Variants in POU2F1 observed in about 807,000 individuals in gnomAD.
The protein encoded by POU2F1 is POU class 2 homeobox 1.
A neutral mutation model predicts 84.9 loss-of-function variants in POU2F1; 16 were observed. The ratio of observed to expected loss-of-function variants is 0.19; its 90% CI spans 0.13 to 0.29. POU2F1 has a LOEUF of 0.29. POU2F1 is among the 10% of genes least tolerant of loss of function. The pLI is 1.00. For synonymous variants in POU2F1, 368 were observed against 368.3 expected (o/e 1.00, Z 0.01); for missense variants, 738 against 942.6 (o/e 0.78, Z 2.84).
intron 8 of POU2F1, among the ~76,000 whole-genome samples, chr1:167,384,390 A>G (rs1162034831): frequency 6.6e-6 from 1 of 152,154 alleles, no homozygotes; most frequent in Non-Finnish European, 1.5e-5. Flanking sequence ...CTACTAGACC[A>G]TATAAACACT....
intron 1 of POU2F1, among the ~76,000 whole-genome samples, chr1:167,249,031 T>G (rs1023185331): frequency 6.6e-6 from 1 of 152,224 alleles, no homozygotes; most frequent in African/African-American, 2.4e-5. Flanking sequence ...AAACTCTGGA[T>G]TGCACCGGAG....
intron 1 of POU2F1, among the ~76,000 whole-genome samples, chr1:167,273,749 A>G (rs1652534773): frequency 6.6e-6 from 1 of 152,246 alleles, no homozygotes; most frequent in Non-Finnish European, 1.5e-5. Flanking sequence ...ATGAAAAGCT[A>G]GGATAACCAC....
At chr1:167,270,547 CAG>C (rs769073935) in intron 1 of POU2F1, among the ~76,000 whole-genome samples, 1 of 151,766 alleles carries the variant, frequency 6.6e-6, no homozygotes. Flanking sequence ...AGAGAAGAGA[CAG>C]AGAGAGAGAG....
chr1:167,269,303 G>A (rs190340947), intron 1 of POU2F1, among the ~76,000 whole-genome samples: 3 of 152,192 alleles, frequency 2.0e-5, no homozygotes, highest in Admixed American at 6.5e-5. Flanking sequence ...TGTCAGTTAC[G>A]TTTGCAAAGG....
chr1:167,421,037 T>C lies in POU2F1; in HGVS notation c.*5227T>C, dbSNP rs952562027. The C allele has an allele frequency of 6.6e-6, 1 of 152,204 alleles. No homozygotes were observed. Among genetic ancestry groups the C allele is most frequent in the South Asian group, 2.1e-4 (1 of 4,828 alleles). 9.4% of individuals were successfully genotyped at this position (152,204 alleles called of 1,614,324 possible). On this transcript the variant is annotated 3_prime_UTR_variant, in exon 16 of 16. Coordinates refer to ENST00000367866, the MANE Select transcript of POU2F1 (RefSeq NM_002697.4). ...TGGGTTAATTTGCTCATAACTGATATGAGTTTGCTTTTATGTGTGTGTGGA... is the reference window on the plus strand; with the variant it reads ...TGGGTTAATTTGCTCATAACTGATACGAGTTTGCTTTTATGTGTGTGTGGA...
chr1:167,402,240 A>G (rs1232963483), intron 13 of POU2F1, among the ~76,000 whole-genome samples: 1 of 152,166 alleles, frequency 6.6e-6, no homozygotes, highest in Non-Finnish European at 1.5e-5. Flanking sequence ...GACATGCTGT[A>G]ATTATTCACC....
chr1:167,339,045 G>A (rs1009658908), intron 2 of POU2F1, among the ~76,000 whole-genome samples: 2 of 152,072 alleles, frequency 1.3e-5, no homozygotes, highest in Non-Finnish European at 2.9e-5. Context: ...AGGTACTATG[G>A]AAAGTCCATT....
intron 1 of POU2F1, among the ~76,000 whole-genome samples, chr1:167,233,669 A>G (rs1388239693): frequency 6.6e-6 from 1 of 152,242 alleles, no homozygotes; most frequent in Non-Finnish European, 1.5e-5. Flanking sequence ...TGCACATACA[A>G]TTCTTGAAAC....
chr1:167,235,820 T>C (rs1185518694), intron 1 of POU2F1, among the ~76,000 whole-genome samples: 1 of 152,232 alleles, frequency 6.6e-6, no homozygotes, highest in Non-Finnish European at 1.5e-5. Flanking sequence ...AGTGAATTAA[T>C]GCAGGAACAG....
chr1:167,372,116 C>T, intron 5 of POU2F1, 80 bp downstream of exon 5: 1 of 1,521,430 alleles, frequency 6.6e-7, no homozygotes, highest in Non-Finnish European at 8.9e-7. Flanking sequence ...TAGAATTGTT[C>T]ACCATAGCTG....
At chr1:167,357,187 C>A (rs112011021) in intron 2 of POU2F1, among the ~76,000 whole-genome samples, 6 of 152,296 alleles carry the variant, frequency 3.9e-5, no homozygotes, top group African/African-American at 1.4e-4. Context: ...CTGCTCATGC[C>A]TGTCTACCTA....
intron 2 of POU2F1, among the ~76,000 whole-genome samples, chr1:167,347,399 G>T (rs1194776162): frequency 6.6e-6 from 1 of 152,056 alleles, no homozygotes; most frequent in Non-Finnish European, 1.5e-5. Context: ...TTCTAACAGG[G>T]GTGCATTTCA....
intron 1 of POU2F1, among the ~76,000 whole-genome samples, chr1:167,290,560 C>T (rs1328289120): frequency 6.6e-6 from 1 of 152,222 alleles, no homozygotes; most frequent in Non-Finnish European, 1.5e-5. Flanking sequence ...TGAAGCGTCT[C>T]AAGGTCAGAA....
intron 8 of POU2F1, among the ~76,000 whole-genome samples, chr1:167,389,371 A>G (rs1412237295): frequency 6.6e-6 from 1 of 152,128 alleles, no homozygotes; most frequent in African/African-American, 2.4e-5. Context: ...TTGTGTATTC[A>G]TGTTTTTTCT....
intron 1 of POU2F1, among the ~76,000 whole-genome samples, chr1:167,232,995 C>T (rs767707984): frequency 9.9e-5 from 15 of 152,220 alleles, no homozygotes; most frequent in South Asian, 2.1e-4. Flanking sequence ...TTCGCTCACT[C>T]GTCATTCATT....
At chr1:167,266,188 C>T (rs796793809) in intron 1 of POU2F1, among the ~76,000 whole-genome samples, 3 of 152,286 alleles carry the variant, frequency 2.0e-5, no homozygotes, top group African/African-American at 4.8e-5. Context: ...AGGTTTGTTA[C>T]ATAGATGAAC....
At chr1:167,251,952 C>T (rs1490152261) in intron 1 of POU2F1, among the ~76,000 whole-genome samples, 2 of 151,052 alleles carry the variant, frequency 1.3e-5, no homozygotes, top group East Asian at 1.9e-4. Flanking sequence ...TCAAGCAATT[C>T]TCCTGCCTCA....
intron 9 of POU2F1, among the ~76,000 whole-genome samples, chr1:167,394,569 C>T (rs1648668618): frequency 6.6e-6 from 1 of 152,114 alleles, no homozygotes; most frequent in Non-Finnish European, 1.5e-5. Flanking sequence ...CATGGGATGT[C>T]CAATACAATA....
intron 1 of POU2F1, among the ~76,000 whole-genome samples, chr1:167,305,175 A>G (rs1226498765): frequency 1.3e-5 from 2 of 151,650 alleles, no homozygotes; most frequent in African/African-American, 4.8e-5. Flanking sequence ...GGGTGGGGAC[A>G]CAGAGAATGT....
Sources: gnomAD v4.1 joint callset for allele counts (sites outside exome capture counted in the v4.1 genomes callset) on GRCh38, gnomAD v4.1.1 for gene constraint, MANE v1.5 for transcripts, NCBI Gene and HGNC (gene_info 2026-07-23, HGNC 2026-07-21) for gene names.